The following AHRR variants were observed in gnomAD, a reference collection of about 807,000 sequenced individuals.
The protein encoded by AHRR is aryl hydrocarbon receptor repressor.
In AHRR, 28 loss-of-function variants were observed where a neutral mutation model predicts 44.0. That is an observed-to-expected ratio of 0.64 (90% CI 0.47 to 0.87). The LOEUF is 0.87. Ranked by LOEUF, AHRR falls within the 40% of genes least tolerant of loss-of-function variation. The pLI, the probability that AHRR is intolerant of heterozygous loss-of-function variation, is 0.00. For missense variants in AHRR, 990 were observed against 953.9 expected (o/e 1.04, Z -0.50); for synonymous variants, 434 against 407.0 (o/e 1.07, Z -0.80).
At position 340,664 on chromosome 5, in the gene AHRR, T is replaced by TTA. The variant is rs201426173; in HGVS notation, c.-10-3205_-10-3204dup. The stretch of plus-strand genomic sequence containing the variant: ...GGACGCAATTATGTTCACAGCAATA[T>TTA]TATATATATATATATATATATATAT... On this transcript the variant is annotated intron_variant, in intron 1 of 10. Coordinates refer to ENST00000684583, the MANE Select transcript of AHRR (RefSeq NM_001377236.1). 2.5e-3 allele frequency among the ~76,000 whole-genome samples: 80 copies of TTA among 31,956 alleles called. 6 individuals are homozygous for TTA. The highest frequency in any genetic ancestry group is 5.8e-3 in the East Asian group (8 of 1,380). 21.0% of individuals were successfully genotyped at this position (31,956 alleles called of 152,430 possible).
intron 4 of AHRR, among the ~76,000 whole-genome samples, chr5:377,243 C>T (rs115320963): frequency 2.0e-5 from 3 of 152,156 alleles, no homozygotes; most frequent in African/African-American, 7.2e-5. Flanking sequence ...TGTGCTGTAA[C>T]GCGGGGCCTG....
At chr5:375,449 C>T (rs143933679) in intron 3 of AHRR, among the ~76,000 whole-genome samples, 50 of 152,242 alleles carry the variant, frequency 3.3e-4, no homozygotes, top group African/African-American at 1.2e-3. Context: ...CCCTAACCCG[C>T]GGAAGTGGGC....
chr5:387,684 T>A lies in AHRR; in HGVS notation c.351+10968T>A, dbSNP rs755489197. 1.3e-5 allele frequency among the ~76,000 whole-genome samples: 2 copies of A among 152,152 alleles called. No individual in the cohort carries two copies. Among genetic ancestry groups the A allele is most frequent in the Non-Finnish European group, 2.9e-5 (2 of 68,008 alleles). On this transcript the variant is annotated intron_variant, in intron 4 of 10. Coordinates refer to ENST00000684583, the MANE Select transcript of AHRR (RefSeq NM_001377236.1). This position sits in a 1 kb window ranked among gnomAD's most constrained non-coding sequence, Gnocchi z 5.1. Reference sequence around the variant, plus strand: ...CAGCAGTGGTAATACCGGTAACACATAGTGGTGATGGTGGTGGACGCTCGT... The same window carrying A: ...CAGCAGTGGTAATACCGGTAACACAAAGTGGTGATGGTGGTGGACGCTCGT...
Position 387,707 on chromosome 5 carries a change from C to A in AHRR, c.351+10991C>A, listed in dbSNP as rs1033438781. On this transcript the variant is annotated intron_variant, in intron 4 of 10. Coordinates refer to ENST00000684583, the MANE Select transcript of AHRR (RefSeq NM_001377236.1). This position sits in a 1 kb window ranked among gnomAD's most constrained non-coding sequence, Gnocchi z 5.1. ...CATAGTGGTGATGGTGGTGGACGCT[C>A]GTGTTTTCTGAGTGTGATCGTGTGT... Among the ~76,000 whole-genome samples the A allele has an allele frequency of 6.6e-6, 1 of 152,168 alleles. No homozygotes were observed. Among genetic ancestry groups the A allele is most frequent in the Non-Finnish European group, 1.5e-5 (1 of 68,028 alleles).
intron 4 of AHRR, among the ~76,000 whole-genome samples, chr5:391,371 C>CACGGACGCAGGGCG (rs1455390520): frequency 6.4e-5 from 7 of 109,254 alleles, no homozygotes; most frequent in South Asian, 2.4e-4. Flanking sequence ...CCAGAGCGTG[C>CACGGACGCAGGGCG]ATGGGCGCAG....
chr5:398,024 G>A (rs1160433408), intron 4 of AHRR, among the ~76,000 whole-genome samples: 8 of 100,080 alleles, frequency 8.0e-5, no homozygotes, highest in Admixed American at 2.3e-4. Context: ...GACCATCCAC[G>A]TAGCTCCTGA....
In AHRR at chr5:390,870, G is replaced by T. The variant is rs112825190; in HGVS notation, c.351+14154G>T. 2.1e-3 allele frequency among the ~76,000 whole-genome samples: 321 copies of T among 152,298 alleles called. 6 individuals are homozygous for T. The highest frequency in any genetic ancestry group is 7.2e-3 in the African/African-American group (301 of 41,568). On this transcript the variant is annotated intron_variant, in intron 4 of 10. Coordinates refer to ENST00000684583, the MANE Select transcript of AHRR (RefSeq NM_001377236.1). ...GAAACGCACAAACGCCTTCCAACCTGGAGTTCACGCACACCCGGGGGCAGG... is the reference window on the plus strand; with the variant it reads ...GAAACGCACAAACGCCTTCCAACCTTGAGTTCACGCACACCCGGGGGCAGG...
chr5:434,683 C>T lies in AHRR; in HGVS notation c.1943C>T (p.Ala648Val), dbSNP rs1213237573. The T allele has an allele frequency of 3.2e-6, 5 of 1,570,018 alleles. No homozygotes were observed. The highest frequency in any genetic ancestry group is 4.3e-6 in the Non-Finnish European group (5 of 1,157,542). ...GGTGAACAGTCCTGCACCTGCAGAG[C>T]TGCTGAGGCCGCCCCTGTGGTCAAG... ...GRGEQSCTCR[A>V]AEAAPVVKRE... Residue 648 changes from alanine (A) to valine (V), a missense_variant, in exon 11 of 11, where the codon GCT (alanine) becomes GTT (valine). Ala to Val is a moderately conservative substitution (Grantham distance 64). Coordinates refer to ENST00000684583, the MANE Select transcript of AHRR (RefSeq NM_001377236.1).
intron 8 of AHRR, 120 bp downstream of exon 8, chr5:428,126 T>A: frequency 2.5e-6 from 3 of 1,192,222 alleles, no homozygotes; most frequent in Non-Finnish European, 3.6e-6. Flanking sequence ...TAAGTCAGTT[T>A]CGTGTCGTAA....
intron 5 of AHRR, 113 bp downstream of exon 5, chr5:413,546 A>G: frequency 2.5e-6 from 2 of 789,116 alleles, no homozygotes. Flanking sequence ...TTTTCCTATC[A>G]CTGAGCTCTT....
At chr5:384,049 T>C (rs2126457758) in intron 4 of AHRR, among the ~76,000 whole-genome samples, 1 of 152,020 alleles carries the variant, frequency 6.6e-6, no homozygotes, top group South Asian at 2.1e-4. Flanking sequence ...TCATGTGTCA[T>C]GTATGTTGAC....
At chr5:425,350 G>C (rs938969554) in intron 7 of AHRR, among the ~76,000 whole-genome samples, 1 of 152,092 alleles carries the variant, frequency 6.6e-6, no homozygotes, top group African/African-American at 2.4e-5. Flanking sequence ...ATGGAGTCTC[G>C]CTCTGTCACC....
rs544776205 is a variant in AHRR, at chr5:419,490, C to T, written c.442-3239C>T. ...CTGAGAGTTTTAGTCTTTTAAGCAA[C>T]ATTTATAAATGAAGAAATTAGGGAT... On this transcript the variant is annotated intron_variant, in intron 5 of 10. Coordinates refer to ENST00000684583, the MANE Select transcript of AHRR (RefSeq NM_001377236.1). This position sits in a 1 kb window ranked among gnomAD's most constrained non-coding sequence, Gnocchi z 4.4. Among the ~76,000 whole-genome samples, 2 of 152,260 alleles carry T rather than the reference C, an allele frequency of 1.3e-5. No homozygotes were observed. The highest frequency in any genetic ancestry group is 4.8e-5 in the African/African-American group (2 of 41,554).
rs1560882480 is a variant in AHRR at position 342,256 on chromosome 5, TC to T, written c.-10-1636del. ...TGATTTTATTTACTTGTTCTATTGA[TC>T]ACTGAGATAGGAATGTTAATGTCTC... On this transcript the variant is annotated intron_variant, in intron 1 of 10. Coordinates refer to ENST00000684583, the MANE Select transcript of AHRR (RefSeq NM_001377236.1). The surrounding 1 kb of genome is among the most constrained non-coding windows in gnomAD (Gnocchi z 4.3). 6.6e-6 allele frequency among the ~76,000 whole-genome samples: 1 copy of T among 152,238 alleles called. No homozygotes were observed. Among genetic ancestry groups the T allele is most frequent in the Non-Finnish European group, 1.5e-5 (1 of 68,038 alleles).
chr5:355,337 C>T (rs1427780792), intron 3 of AHRR, among the ~76,000 whole-genome samples: 1 of 152,048 alleles, frequency 6.6e-6, no homozygotes, highest in Non-Finnish European at 1.5e-5. Context: ...AGGGCAGGCT[C>T]CCAGGTTTGC....
chr5:427,953 C>G lies in AHRR; in HGVS notation c.855C>G (p.Ser285Arg). 6.2e-7 allele frequency: 1 copy of G among 1,614,026 alleles called. No homozygotes were observed. Among genetic ancestry groups the G allele is most frequent in the Middle Eastern group, 1.6e-4 (1 of 6,062 alleles). ...CCGCAGCGGAGATGAAAATGAGGAGCGCGCTCCTGAGGGCAAAACCCAGAG... is the reference window on the plus strand; with the variant it reads ...CCGCAGCGGAGATGAAAATGAGGAGGGCGCTCCTGAGGGCAAAACCCAGAG... ...LPSAAEMKMR[S>R]ALLRAKPRAD... Residue 285 changes from serine to arginine, a missense_variant, in exon 8 of 11, where the codon AGC (serine) becomes AGG (arginine). Transcript: ENST00000684583.
chr5:397,134 G>C (rs1293665219), intron 4 of AHRR, among the ~76,000 whole-genome samples: 38 of 123,998 alleles, frequency 3.1e-4, no homozygotes, highest in Non-Finnish European at 1.2e-4. Context: ...GTTAGCCCCT[G>C]ACCATCCATG....
chr5:412,007 C>A (rs1243987952), intron 4 of AHRR, among the ~76,000 whole-genome samples: 2 of 152,218 alleles, frequency 1.3e-5, no homozygotes, highest in South Asian at 2.1e-4. Flanking sequence ...CGCATCCTCA[C>A]CGGTGATGGC....
rs369058815 is a variant in AHRR at position 434,287 on chromosome 5, C to G, written c.1547C>G (p.Pro516Arg). The G allele has an allele frequency of 1.5e-5, 24 of 1,607,256 alleles. No homozygotes were observed. The highest frequency in any genetic ancestry group is 1.3e-5 in the African/African-American group (1 of 74,812). Residue 516 changes from proline (P) to arginine (R), a missense_variant, in exon 11 of 11, where the codon CCG becomes CGG. By Grantham distance (103) the Pro-to-Arg change is moderately radical. Transcript: ENST00000684583. ...PMEDMKLQGV[P>R]MPPGDLCGPT... ...GAGGACATGAAGCTGCAAGGTGTAC[C>G]GATGCCTCCGGGGGACCTGTGTGGT...
Sources: gnomAD v4.1 joint callset for allele counts (sites outside exome capture counted in the v4.1 genomes callset) on GRCh38, gnomAD v4.1.1 for gene constraint, Gnocchi (gnomAD v3.1) non-coding constraint, MANE v1.5 for transcripts, NCBI Gene and HGNC (gene_info 2026-07-23, HGNC 2026-07-21) for gene names.